PCDH15: variants seen among roughly 807,000 people sequenced by gnomAD.
The protein encoded by PCDH15 is protocadherin related 15.
A neutral mutation model predicts 178.5 loss-of-function variants in PCDH15; 129 were observed. The observed-to-expected ratio is 0.72, with a 90% CI of 0.63 to 0.84. The LOEUF (loss-of-function observed/expected upper bound fraction) is 0.84, where lower values mean the gene tolerates loss of function less well. Among genes scored for constraint, PCDH15 ranks in the 40% least tolerant of loss-of-function variants. The pLI, the probability that PCDH15 is intolerant of heterozygous loss-of-function variation, is 0.00. For missense variants in PCDH15, 2,230 were observed against 2,099.9 expected (o/e 1.06, Z -1.21); for synonymous variants, 800 against 732.0 (o/e 1.09, Z -1.50).
At chr10:55,387,184 A>C (rs1386257736) in intron 2 of PCDH15, among the ~76,000 whole-genome samples, 1 of 152,126 alleles carries the variant, frequency 6.6e-6, no homozygotes, top group Non-Finnish European at 1.5e-5. Flanking sequence ...AATATGATCC[A>C]AGACCTGGAT....
chr10:54,520,626 C>CA (rs1265644941), intron 3 of PCDH15, among the ~76,000 whole-genome samples: 2 of 151,918 alleles, frequency 1.3e-5, no homozygotes, highest in Non-Finnish European at 2.9e-5. Context: ...GGACTGTCAA[C>CA]TAGTTCAACC....
chr10:55,199,662 C>G (rs1336871141), intron 1 of PCDH15, among the ~76,000 whole-genome samples: 1 of 152,066 alleles, frequency 6.6e-6, no homozygotes, highest in Non-Finnish European at 1.5e-5. Context: ...GGCAGCCCCT[C>G]CCATCACAGA....
chr10:55,150,571 T>G (rs911583214), intron 2 of PCDH15, among the ~76,000 whole-genome samples: 9 of 152,162 alleles, frequency 5.9e-5, no homozygotes, highest in African/African-American at 2.2e-4. Context: ...AAATTTGATA[T>G]GATTTCACAA....
At chr10:55,205,378 T>C (rs1245594017) in intron 1 of PCDH15, among the ~76,000 whole-genome samples, 1 of 151,988 alleles carries the variant, frequency 6.6e-6, no homozygotes, top group African/African-American at 2.4e-5. Flanking sequence ...CTGGACTCAG[T>C]AATAACAATG....
chr10:54,820,735 T>G (rs2133739878), intron 3 of PCDH15, among the ~76,000 whole-genome samples: 1 of 152,126 alleles, frequency 6.6e-6, no homozygotes, highest in Admixed American at 6.6e-5. Flanking sequence ...GATCAGTAAC[T>G]TACACTATTT....
At chr10:55,489,646 C>T (rs1002017131) in intron 2 of PCDH15, among the ~76,000 whole-genome samples, 1 of 151,614 alleles carries the variant, frequency 6.6e-6, no homozygotes, top group East Asian at 1.9e-4. Context: ...TCGAGTATTG[C>T]TGTAAGAATT....
chr10:54,642,592 T>G (rs191021533), intron 2 of PCDH15, among the ~76,000 whole-genome samples: 2 of 152,296 alleles, frequency 1.3e-5, no homozygotes, highest in Admixed American at 6.5e-5. Context: ...TATCAGCATA[T>G]TATATGTGCA....
chr10:54,103,383 C>T (rs755084991), intron 15 of PCDH15, among the ~76,000 whole-genome samples: 1 of 152,158 alleles, frequency 6.6e-6, no homozygotes, highest in African/African-American at 2.4e-5. Context: ...TGGTTGAGCG[C>T]CACCACTTGG....
At chr10:54,209,357 T>C (rs2051158122) in intron 10 of PCDH15, among the ~76,000 whole-genome samples, 1 of 152,026 alleles carries the variant, frequency 6.6e-6, no homozygotes, top group African/African-American at 2.4e-5. Context: ...AGACTGCTTG[T>C]GTAAGATCAT....
chr10:53,918,597 A>C (rs1223414073), intron 25 of PCDH15, among the ~76,000 whole-genome samples: 2 of 152,174 alleles, frequency 1.3e-5, no homozygotes, highest in African/African-American at 4.8e-5. Context: ...GAATTAAAGG[A>C]TTTATAAATG....
chr10:55,277,726 A>G (rs970896130), intron 1 of PCDH15, among the ~76,000 whole-genome samples: 2 of 152,064 alleles, frequency 1.3e-5, no homozygotes, highest in African/African-American at 2.4e-5. Flanking sequence ...ACTCTACTCA[A>G]TATGTGCCTA....
At chr10:54,726,700 A>G (rs533323706) in intron 1 of PCDH15, among the ~76,000 whole-genome samples, 1 of 151,548 alleles carries the variant, frequency 6.6e-6, no homozygotes, top group South Asian at 2.1e-4. Context: ...ATTCATTTAT[A>G]AAAGGAACAA....
At chr10:55,517,194 T>TGTTAGCAAGTCCTTCAACTAACA (rs1841036467) in intron 2 of PCDH15, among the ~76,000 whole-genome samples, 1 of 152,124 alleles carries the variant, frequency 6.6e-6, no homozygotes, top group Non-Finnish European at 1.5e-5. Flanking sequence ...AATAGTAAAA[T>TGTTAGCAAGTCCTTCAACTAACA]GTTAGCAAGT....
intron 2 of PCDH15, among the ~76,000 whole-genome samples, chr10:55,379,937 T>C (rs185610539): frequency 2.0e-4 from 31 of 151,930 alleles, no homozygotes; most frequent in Admixed American, 1.8e-3. Flanking sequence ...GTAAAGAAAA[T>C]ATAGTAATAC....
At chr10:53,949,649 A>G (rs776368084) in intron 23 of PCDH15, among the ~76,000 whole-genome samples, 2 of 152,122 alleles carry the variant, frequency 1.3e-5, no homozygotes, top group Non-Finnish European at 2.9e-5. Flanking sequence ...GAGGGCTGAG[A>G]TGGAAGATTG....
chr10:54,793,155 A>G (rs754836941), intron 1 of PCDH15, among the ~76,000 whole-genome samples: 90 of 151,942 alleles, frequency 5.9e-4, no homozygotes, highest in Non-Finnish European at 1.2e-3. Flanking sequence ...CTGGGCATCA[A>G]TGAGATTGAA....
At chr10:55,582,612 ATATATATATATATATATT>A (rs1172371661) in intron 2 of PCDH15, among the ~76,000 whole-genome samples, 2 of 88,696 alleles carry the variant, frequency 2.3e-5, no homozygotes, top group Admixed American at 1.2e-4. Flanking sequence ...ATATATATAT[ATATATATATATATATATT>A]TTTTTTTTTT....
intron 2 of PCDH15, among the ~76,000 whole-genome samples, chr10:55,586,929 G>A (rs1469935566): frequency 6.6e-6 from 1 of 151,946 alleles, no homozygotes; most frequent in Non-Finnish European, 1.5e-5. Context: ...CACTTGCATT[G>A]GGTACATAGG....
intron 13 of PCDH15, among the ~76,000 whole-genome samples, chr10:54,163,932 T>C (rs2045957920): frequency 6.6e-6 from 1 of 152,120 alleles, no homozygotes; most frequent in African/African-American, 2.4e-5. Context: ...AAGATGTCAT[T>C]TGTAAGTATG....
Sources: allele counts gnomAD v4.1 joint callset (sites outside exome capture counted in the v4.1 genomes callset), GRCh38; gene constraint gnomAD v4.1.1; transcripts MANE v1.5; gene names NCBI Gene and HGNC (gene_info 2026-07-23, HGNC 2026-07-21).